PAH: variants seen among roughly 807,000 people sequenced by gnomAD.
The protein encoded by PAH is phenylalanine hydroxylase.
In PAH, 64 loss-of-function variants were observed where a neutral mutation model predicts 62.0. The observed-to-expected ratio is 1.03, with a 90% CI of 0.84 to 1.27. The LOEUF (loss-of-function observed/expected upper bound fraction) is 1.27. Ranked by LOEUF, PAH falls within the 50% of genes most tolerant of loss-of-function variation. PAH has a pLI of 0.00. For missense variants in PAH, 579 were observed against 542.8 expected (o/e 1.07, Z -0.66); for synonymous variants, 195 against 196.2 (o/e 0.99, Z 0.05).
intron 10 of PAH, 150 bp from the exon 11 acceptor site, chr12:102,843,929 A>C: frequency 1.2e-6 from 1 of 843,860 alleles, no homozygotes; most frequent in Non-Finnish European, 2.0e-6. Flanking sequence ...ATTACTTTGC[A>C]CATACTAGGT....
chr12:102,893,129 G>A (rs1877346668), intron 3 of PAH, among the ~76,000 whole-genome samples: 1 of 152,240 alleles, frequency 6.6e-6, no homozygotes, highest in African/African-American at 2.4e-5. Context: ...GCCAGGCACA[G>A]TGGCTCATGC....
intron 1 of PAH, among the ~76,000 whole-genome samples, chr12:102,929,724 A>G: frequency 6.6e-6 from 1 of 152,178 alleles, no homozygotes; most frequent in African/African-American, 2.4e-5. Context: ...CCTTGGACTA[A>G]AGTGGTACTG....
chr12:102,947,276 C>T (rs1326073517), intron 1 of PAH, among the ~76,000 whole-genome samples: 3 of 151,868 alleles, frequency 2.0e-5, no homozygotes, highest in Non-Finnish European at 4.4e-5. Flanking sequence ...ATGGCATGAC[C>T]CCAGGATTTT....
intron 8 of PAH, chr12:102,847,492 T>C (rs1171991548): frequency 4.2e-5 from 7 of 168,494 alleles, no homozygotes; most frequent in Non-Finnish European, 7.8e-5. Context: ...GCAGCCTGCC[T>C]TGTGTGTATG....
intron 4 of PAH, among the ~76,000 whole-genome samples, chr12:102,871,492 A>C (rs1372324772): frequency 6.6e-6 from 1 of 152,074 alleles, no homozygotes; most frequent in Non-Finnish European, 1.5e-5. Flanking sequence ...GGTTTCTCTC[A>C]GTGTGTTGTA....
intron 2 of PAH, among the ~76,000 whole-genome samples, chr12:102,911,532 TC>T (rs1878201026): frequency 6.6e-6 from 1 of 152,146 alleles, no homozygotes; most frequent in African/African-American, 2.4e-5. Context: ...CAGAAATAGC[TC>T]CTACCTCATG....
chr12:102,873,618 T>C (rs983900487), intron 4 of PAH, among the ~76,000 whole-genome samples: 2 of 152,224 alleles, frequency 1.3e-5, no homozygotes, highest in African/African-American at 4.8e-5. Context: ...TTAGAAATGA[T>C]AGCACATGCT....
At chr12:102,894,639 A>G in intron 3 of PAH, 96 bp downstream of exon 3, 1 of 917,186 alleles carries the variant, frequency 1.1e-6, no homozygotes, top group South Asian at 1.4e-5. Context: ...TATTAAATAT[A>G]CATATATTTA....
At chr12:102,944,674 T>C (rs765744367) in intron 1 of PAH, among the ~76,000 whole-genome samples, 31 of 152,360 alleles carry the variant, frequency 2.0e-4, no homozygotes, top group African/African-American at 6.7e-4. Context: ...TTGAATTATG[T>C]TGATTTTCCT....
chr12:102,929,361 A>G (rs1046141476), intron 1 of PAH, among the ~76,000 whole-genome samples: 1 of 152,208 alleles, frequency 6.6e-6, no homozygotes, highest in Non-Finnish European at 1.5e-5. Flanking sequence ...TTGCAATCTC[A>G]GAGAGCAAAG....
exon 1 of PAH, chr12:102,958,277 C>T (rs370760066): frequency 5.2e-5 from 76 of 1,474,456 alleles, no homozygotes; most frequent in Non-Finnish European, 6.2e-5. Context: ...AGAGCGGCGG[C>T]GCCGGCCAGC....
At chr12:102,894,943 A>G (rs546880362) in intron 2 of PAH, 25 bp from the exon 3 acceptor site, 1 of 1,588,734 alleles carries the variant, frequency 6.3e-7, no homozygotes, top group Admixed American at 1.7e-5. Flanking sequence ...GGGGAGGGTG[A>G]GGAGACAGTC....
At position 102,861,938 on chromosome 12, in the gene PAH, G is replaced by A. The variant is rs1366180423; in HGVS notation, c.509+4658C>T. On this transcript the variant is annotated intron_variant, in intron 5 of 12. Transcript: ENST00000553106. The stretch of plus-strand genomic sequence containing the variant: ...TACATATGTAACAAACCTGCACGTT[G>A]TGCACATGTACCCTAGAACTTAAAG... 3.5e-5 allele frequency among the ~76,000 whole-genome samples: 5 copies of A among 141,198 alleles called. No homozygotes were observed. In the East Asian group the frequency reaches 8.0e-4, roughly 23 times the overall value. 92.6% of individuals were successfully genotyped at this position (141,198 alleles called of 152,430 possible).
intron 3 of PAH, among the ~76,000 whole-genome samples, chr12:102,883,120 A>G (rs1199987202): frequency 6.6e-6 from 1 of 152,120 alleles, no homozygotes; most frequent in African/African-American, 2.4e-5. Flanking sequence ...GGCGCAGCAA[A>G]CCCTTTTGAG....
chr12:102,837,115 T>A lies in PAH; in HGVS notation c.*2060A>T, dbSNP rs925159339. The A allele has an allele frequency of 6.6e-6, 1 of 152,188 alleles. No homozygotes were observed. Among genetic ancestry groups the A allele is most frequent in the Non-Finnish European group, 1.5e-5 (1 of 68,018 alleles). The allele number at this position is 152,188 out of a possible 1,614,324, so 9.4% of individuals were successfully genotyped here. A position where few individuals can be genotyped will look rare whatever the true frequency, so the allele number is the denominator to read the frequency against. ...AAAATATTGCTCATTTACTAGAAAT[T>A]AAACAAATAAAAACACTTACATATT... On this transcript the variant is annotated 3_prime_UTR_variant, in exon 13 of 13. Transcript: ENST00000553106.
chr12:102,942,127 C>T (rs879646456), intron 1 of PAH, among the ~76,000 whole-genome samples: 23 of 152,108 alleles, frequency 1.5e-4, no homozygotes, highest in Non-Finnish European at 2.9e-4. Flanking sequence ...GGAAGTCAAA[C>T]TATCTCTCTT....
chr12:102,913,002 A>T (rs1189339467), intron 1 of PAH, 104 bp from the exon 2 acceptor site: 1 of 762,006 alleles, frequency 1.3e-6, no homozygotes, highest in East Asian at 2.6e-5. Context: ...TCTTCTAGTT[A>T]AATCTTGCAA....
At chr12:102,890,491 C>T (rs138940868) in intron 3 of PAH, among the ~76,000 whole-genome samples, 211 of 152,276 alleles carry the variant, frequency 1.4e-3, no homozygotes, top group African/African-American at 4.4e-3. Context: ...GATGCCAGGT[C>T]GTGGCATGTC....
chr12:102,854,373 A>G (rs1875312450), intron 6 of PAH, among the ~76,000 whole-genome samples: 1 of 152,188 alleles, frequency 6.6e-6, no homozygotes, highest in South Asian at 2.1e-4. Flanking sequence ...TAGGTGTTCA[A>G]TATGTGCTAG....
Sources: gnomAD v4.1 joint callset for allele counts (sites outside exome capture counted in the v4.1 genomes callset) on GRCh38, gnomAD v4.1.1 for gene constraint, MANE v1.5 for transcripts, NCBI Gene and HGNC (gene_info 2026-07-23, HGNC 2026-07-21) for gene names.